Variants in DPP6 observed in about 807,000 individuals in gnomAD.
DPP6 encodes the protein dipeptidyl peptidase like 6, also known as A-type potassium channel modulatory protein DPP6.
In DPP6, 69 loss-of-function variants were observed where a neutral mutation model predicts 122.6. That is an observed-to-expected ratio of 0.56 (90% confidence interval 0.46 to 0.69). The LOEUF is 0.69. Among genes scored for constraint, DPP6 ranks in the 30% least tolerant of loss-of-function variants. The pLI, the probability that DPP6 is intolerant of heterozygous loss-of-function variation, is 0.00. For synonymous variants in DPP6, 418 were observed against 433.1 expected (o/e 0.97, Z 0.43); for missense variants, 928 against 1,116.9 (o/e 0.83, Z 2.41).
intron 1 of DPP6, among the ~76,000 whole-genome samples, chr7:153,990,062 C>G (rs1162345095): frequency 2.3e-5 from 3 of 130,890 alleles, no homozygotes; most frequent in Non-Finnish European, 3.3e-5. Context: ...CCCAGCAAGC[C>G]CCGCCCCCTG....
chr7:153,945,140 C>A (rs1378378409), intron 1 of DPP6, among the ~76,000 whole-genome samples: 2 of 152,228 alleles, frequency 1.3e-5, no homozygotes, highest in East Asian at 3.9e-4. Flanking sequence ...GAGTTTTGAC[C>A]CTGCTGGTGC....
At chr7:154,039,271 G>A (rs1367528684) in intron 1 of DPP6, among the ~76,000 whole-genome samples, 1 of 147,194 alleles carries the variant, frequency 6.8e-6, no homozygotes, top group Non-Finnish European at 1.5e-5. Flanking sequence ...TACATTGCCA[G>A]TTTACAGGAA....
chr7:153,990,254 C>T lies in DPP6; in HGVS notation c.51+102520C>T, dbSNP rs1248251113. Among the ~76,000 whole-genome samples, 73 of 111,404 alleles carry T rather than the reference C, an allele frequency of 6.6e-4. 1 individual carries two copies. The highest frequency in any genetic ancestry group is 1.4e-3 in the South Asian group (4 of 2,932). The allele number at this position is 111,404 out of a possible 152,430, so 73.1% of individuals were successfully genotyped here. A position where few individuals can be genotyped will look rare whatever the true frequency, so the allele number is the denominator to read the frequency against. On this transcript the variant is annotated intron_variant, in intron 1 of 25. Coordinates refer to the DPP6 transcript ENST00000404039. ...CAGCCCCACCCTCAGGCAGCCCCACCTGCTTCCAGCCTTGCTGAACAGTCC... is the reference window on the plus strand; with the variant it reads ...CAGCCCCACCCTCAGGCAGCCCCACTTGCTTCCAGCCTTGCTGAACAGTCC...
chr7:154,690,013 T>C (rs1839847970), intron 7 of DPP6, among the ~76,000 whole-genome samples: 1 of 152,210 alleles, frequency 6.6e-6, no homozygotes, highest in Non-Finnish European at 1.5e-5. Context: ...CTTTTATTCT[T>C]TTCTCACTGG....
intron 1 of DPP6, among the ~76,000 whole-genome samples, chr7:153,925,461 A>G (rs1312071638): frequency 6.6e-6 from 1 of 150,972 alleles, no homozygotes; most frequent in African/African-American, 2.4e-5. Context: ...CGAGGTTCTG[A>G]TGAAGGGATA....
intron 6 of DPP6, among the ~76,000 whole-genome samples, chr7:154,654,700 G>A (rs1837128834): frequency 1.3e-5 from 2 of 151,950 alleles, no homozygotes; most frequent in Admixed American, 1.3e-4. Context: ...TTACAAGCGT[G>A]AGCCACCGTG....
chr7:154,135,689 C>G (rs938749222), intron 1 of DPP6, among the ~76,000 whole-genome samples: 1 of 151,658 alleles, frequency 6.6e-6, no homozygotes, highest in African/African-American at 2.4e-5. Flanking sequence ...CACACAGTTC[C>G]TCTCTGTGCA....
the DPP6 span, among the ~76,000 whole-genome samples, chr7:153,760,408 G>T: frequency 2.0e-5 from 3 of 152,150 alleles, no homozygotes; most frequent in Non-Finnish European, 4.4e-5. Context: ...CCTTGAATGA[G>T]ATTTGTATTG....
At chr7:154,447,628 A>C (rs1016054695) in intron 2 of DPP6, among the ~76,000 whole-genome samples, 18 of 152,188 alleles carry the variant, frequency 1.2e-4, no homozygotes, top group African/African-American at 4.3e-4. Context: ...TATCACAAGG[A>C]AACAACATGC....
intron 4 of DPP6, among the ~76,000 whole-genome samples, chr7:154,540,878 A>G (rs1275939749): frequency 1.3e-5 from 2 of 152,220 alleles, no homozygotes; most frequent in East Asian, 3.8e-4. Flanking sequence ...CATATCATAT[A>G]TAATTAAAAG....
chr7:153,784,607 A>C, the DPP6 span, among the ~76,000 whole-genome samples: 1 of 152,184 alleles, frequency 6.6e-6, no homozygotes, highest in African/African-American at 2.4e-5. Context: ...AATCTTAAAC[A>C]CCTGCAGAGT....
chr7:153,976,276 G>A (rs1352981352), intron 1 of DPP6, among the ~76,000 whole-genome samples: 1 of 152,186 alleles, frequency 6.6e-6, no homozygotes, highest in Admixed American at 6.5e-5. Context: ...GTGTTCTCTA[G>A]TCTTAAACAC....
intron 5 of DPP6, chr7:154,587,809 G>A: frequency 1.2e-6 from 2 of 1,612,590 alleles, no homozygotes; most frequent in Non-Finnish European, 1.7e-6. Context: ...CTATGTCTCG[G>A]CAGTCAATGG....
rs71271207 is a variant in DPP6 at position 153,995,907 on chromosome 7, A to G, written c.51+108173A>G. ...ACAGTGATCATTGCTGCTTCCAAAC[A>G]TCTATGGCATTTGTTGACCAAGCTA... On this transcript the variant is annotated intron_variant, in intron 1 of 25. Coordinates refer to the DPP6 transcript ENST00000404039. 2.6e-5 allele frequency among the ~76,000 whole-genome samples: 4 copies of G among 152,180 alleles called. No homozygotes were observed. In the South Asian group the frequency reaches 8.3e-4, roughly 32 times the overall value.
At chr7:154,793,976 C>T in intron 10 of DPP6, 103 bp from the exon 11 acceptor site, 2 of 1,467,864 alleles carry the variant, frequency 1.4e-6, no homozygotes, top group Non-Finnish European at 1.8e-6. Context: ...CTGGCTCCGG[C>T]CCCCGGCTCC....
the DPP6 span, among the ~76,000 whole-genome samples, chr7:153,769,173 T>C: frequency 1.3e-5 from 2 of 152,232 alleles, no homozygotes; most frequent in Admixed American, 6.5e-5. Context: ...TTTTTGCTGA[T>C]TTTGTACATG....
Position 153,988,853 on chromosome 7 carries a change from CTT to C in DPP6, c.51+101120_51+101121del, listed in dbSNP as rs1420205632. On this transcript the variant is annotated intron_variant, in intron 1 of 25. Transcript: ENST00000404039. ...TGGAGATTGCATTGCTTTCCCAAGA[CTT>C]AAAAAACGAAGAGTCAGCGAAAGCT... is the stretch of plus-strand genomic sequence containing the variant. 2.6e-5 allele frequency among the ~76,000 whole-genome samples: 4 copies of C among 151,222 alleles called. No homozygotes were observed. In the East Asian group the frequency reaches 7.8e-4, roughly 29 times the overall value.
intron 6 of DPP6, 113 bp from the exon 7 acceptor site, chr7:154,669,247 A>G (rs1242817242): frequency 1.3e-6 from 2 of 1,482,966 alleles, no homozygotes; most frequent in Non-Finnish European, 9.2e-7. Context: ...CTTGAAATGG[A>G]TACCATGGAA....
At chr7:154,796,557 C>T (rs1384573713) in intron 12 of DPP6, among the ~76,000 whole-genome samples, 1 of 152,206 alleles carries the variant, frequency 6.6e-6, no homozygotes, top group Non-Finnish European at 1.5e-5. Context: ...CTAAGAAGAA[C>T]AGGTGAAAAA....
Sources: gnomAD v4.1 joint callset for allele counts (sites outside exome capture counted in the v4.1 genomes callset) on GRCh38, gnomAD v4.1.1 for gene constraint, MANE v1.5 for transcripts, NCBI Gene and HGNC (gene_info 2026-07-23, HGNC 2026-07-21) for gene names.